Variants in CLVS1 observed in about 807,000 individuals in gnomAD.
CLVS1 encodes clavesin-1.
CLVS1 carries 10 observed loss-of-function variants against 33.1 expected under a neutral mutation model. That is an observed-to-expected ratio of 0.30 (90% CI 0.19 to 0.51). The LOEUF is 0.51. Ranked by LOEUF, CLVS1 falls within the 20% of genes least tolerant of loss-of-function variation. CLVS1 has a pLI of 0.97. For synonymous variants in CLVS1, 163 were observed against 166.1 expected, an observed-to-expected ratio of 0.98 and a Z score of 0.14; for missense variants, 343 against 433.4, an observed-to-expected ratio of 0.79 and a Z score of 1.85.
At chr8:61,069,036 G>GGCTCACT (rs1472135885) in intron 1 of CLVS1, among the ~76,000 whole-genome samples, 1 of 151,974 alleles carries the variant, frequency 6.6e-6, no homozygotes, top group East Asian at 1.9e-4. Context: ...GCACGATCTC[G>GGCTCACT]GCTCACTGCA....
chr8:61,105,207 GTATT>G (rs1382946847), intron 1 of CLVS1, among the ~76,000 whole-genome samples: 1 of 152,154 alleles, frequency 6.6e-6, no homozygotes, highest in Non-Finnish European at 1.5e-5. Context: ...GTGTTCATCA[GTATT>G]TATAGGAGAA....
At chr8:61,117,948 T>A (rs1351414615) in intron 1 of CLVS1, among the ~76,000 whole-genome samples, 1 of 152,238 alleles carries the variant, frequency 6.6e-6, no homozygotes, top group Non-Finnish European at 1.5e-5. Context: ...GAAGGAATGG[T>A]ACCAGTTCCT....
At chr8:61,402,980 G>T (rs1359860362) in intron 3 of CLVS1, among the ~76,000 whole-genome samples, 1 of 152,140 alleles carries the variant, frequency 6.6e-6, no homozygotes, top group East Asian at 1.9e-4. Context: ...CATATATAAT[G>T]CTAAAACATG....
At chr8:61,165,927 T>C (rs907489253) in intron 2 of CLVS1, among the ~76,000 whole-genome samples, 8 of 152,194 alleles carry the variant, frequency 5.3e-5, no homozygotes, top group Non-Finnish European at 8.8e-5. Flanking sequence ...AACATACATG[T>C]TATCAGCCTT....
chr8:61,442,685 C>T (rs1816602226), intron 3 of CLVS1, among the ~76,000 whole-genome samples: 1 of 152,124 alleles, frequency 6.6e-6, no homozygotes, highest in African/African-American at 2.4e-5. Context: ...CCACAACCTC[C>T]ACCTCCCGGA....
intron 1 of CLVS1, among the ~76,000 whole-genome samples, chr8:61,115,051 C>G (rs1805692819): frequency 1.3e-5 from 2 of 152,204 alleles, no homozygotes; most frequent in South Asian, 4.1e-4. Flanking sequence ...ACTTTTTCCC[C>G]AGCAGACATT....
intron 2 of CLVS1, among the ~76,000 whole-genome samples, chr8:61,171,783 A>G (rs1253039159): frequency 6.6e-6 from 1 of 152,210 alleles, no homozygotes. Flanking sequence ...AAAATAAAAA[A>G]TAGTGTATGG....
chr8:61,390,226 G>A (rs1005558189), intron 3 of CLVS1, among the ~76,000 whole-genome samples: 1 of 152,168 alleles, frequency 6.6e-6, no homozygotes, highest in East Asian at 1.9e-4. Context: ...CTGGGCATCT[G>A]CTCTTTTCAC....
intron 2 of CLVS1, among the ~76,000 whole-genome samples, chr8:61,201,741 C>G (rs1807737090): frequency 6.6e-6 from 1 of 152,192 alleles, no homozygotes; most frequent in African/African-American, 2.4e-5. Flanking sequence ...GTTGGTGCCT[C>G]CTAAATCCCT....
chr8:61,369,633 G>T (rs1423704024), intron 2 of CLVS1, among the ~76,000 whole-genome samples: 1 of 152,146 alleles, frequency 6.6e-6, no homozygotes. Context: ...CCTCCTGTTG[G>T]GATAGGAGGC....
At chr8:61,340,476 A>G (rs1056204122) in intron 2 of CLVS1, among the ~76,000 whole-genome samples, 24 of 152,146 alleles carry the variant, frequency 1.6e-4, no homozygotes, top group Non-Finnish European at 4.4e-5. Flanking sequence ...ACTTAATACA[A>G]TGTCTTCCAG....
chr8:61,221,795 C>T (rs1377396268), intron 2 of CLVS1, among the ~76,000 whole-genome samples: 1 of 152,162 alleles, frequency 6.6e-6, no homozygotes, highest in Non-Finnish European at 1.5e-5. Context: ...TAGAATTCAG[C>T]TGTGAATCCA....
At chr8:60,973,773 C>T in the CLVS1 span, among the ~76,000 whole-genome samples, 13 of 152,306 alleles carry the variant, frequency 8.5e-5, no homozygotes, top group South Asian at 1.9e-3. Context: ...TGCTCATGCT[C>T]GAGCTCACTC....
intron 2 of CLVS1, among the ~76,000 whole-genome samples, chr8:61,138,286 G>A (rs997817772): frequency 2.0e-5 from 3 of 152,222 alleles, no homozygotes; most frequent in African/African-American, 4.8e-5. Context: ...CACACAGGGT[G>A]TGTTCCTGAG....
chr8:61,470,255 T>C (rs373496242), intron 5 of CLVS1, among the ~76,000 whole-genome samples: 2 of 152,184 alleles, frequency 1.3e-5, no homozygotes, highest in East Asian at 3.8e-4. Context: ...ATAATGAATT[T>C]AGTTAATAAG....
the CLVS1 span, among the ~76,000 whole-genome samples, chr8:61,014,324 A>G: frequency 1.3e-5 from 2 of 152,124 alleles, no homozygotes; most frequent in African/African-American, 2.4e-5. Flanking sequence ...TCTGCACCCC[A>G]TACCTGCTTT....
At position 61,159,857 on chromosome 8, in the gene CLVS1, C is replaced by T. The variant is rs1806719339; in HGVS notation, c.-152+27997C>T. Reference sequence around the variant, plus strand: ...CACCAAGGGTGCAAGAGCAAGGAGACATCAAACCATTGTCTACACCCAGGA... The same window carrying T: ...CACCAAGGGTGCAAGAGCAAGGAGATATCAAACCATTGTCTACACCCAGGA... On this transcript the variant is annotated intron_variant, in intron 2 of 2. Coordinates refer to the CLVS1 transcript ENST00000522621. 2.0e-5 allele frequency among the ~76,000 whole-genome samples: 3 copies of T among 152,304 alleles called. No individual in the cohort carries two copies. In the East Asian group the frequency reaches 5.8e-4, roughly 29 times the overall value.
At chr8:60,986,156 A>G in the CLVS1 span, among the ~76,000 whole-genome samples, 1 of 152,198 alleles carries the variant, frequency 6.6e-6, no homozygotes, top group African/African-American at 2.4e-5. Context: ...CTTCCTAGAT[A>G]AGGATGGACA....
intron 1 of CLVS1, among the ~76,000 whole-genome samples, chr8:61,119,562 G>A (rs1158465004): frequency 6.7e-6 from 1 of 149,900 alleles, no homozygotes; most frequent in African/African-American, 2.5e-5. Context: ...TTTTAGGGCA[G>A]GCCTGGTGGT....
Sources: allele counts gnomAD v4.1 joint callset (sites outside exome capture counted in the v4.1 genomes callset), GRCh38; gene constraint gnomAD v4.1.1; transcripts MANE v1.5; gene names NCBI Gene and HGNC (gene_info 2026-07-23, HGNC 2026-07-21).